Variants in KDM6B observed in about 807,000 individuals in gnomAD.
KDM6B encodes the protein lysine demethylase 6B.
Under a neutral mutation model 150.4 loss-of-function variants are expected in KDM6B, and 22 were observed. The observed-to-expected ratio is 0.15, with a 90% CI of 0.10 to 0.21. The LOEUF (loss-of-function observed/expected upper bound fraction) is 0.21. Among genes scored for constraint, KDM6B ranks in the 10% least tolerant of loss-of-function variants. The pLI is 1.00. For synonymous variants in KDM6B, 1,148 were observed against 921.1 expected, an observed-to-expected ratio of 1.25 and a Z score of -4.46; for missense variants, 1,984 against 2,234.3, an observed-to-expected ratio of 0.89 and a Z score of 2.26.
intron 14 of KDM6B, among the ~76,000 whole-genome samples, chr17:7,850,555 T>C (rs192273038): frequency 6.6e-6 from 1 of 152,362 alleles, no homozygotes; most frequent in East Asian, 1.9e-4. Flanking sequence ...TTGTCTCCTT[T>C]ATACCTGTAT....
rs899409790 is a variant in KDM6B, at chr17:7,843,755, C to G, written c.-268-1146C>G. 3.9e-5 allele frequency among the ~76,000 whole-genome samples: 6 copies of G among 152,054 alleles called. No individual in the cohort carries two copies. Among genetic ancestry groups the G allele is most frequent in the African/African-American group, 1.4e-4 (6 of 41,410 alleles). ...TTTGTACTCTAGACTCTCAATGGAC[C>G]GATCCCGGGAGCCGAGTCGGCTCCC... On this transcript the variant is annotated intron_variant, in intron 2 of 23. Coordinates refer to ENST00000448097, the MANE Select transcript of KDM6B (RefSeq NM_001348716.2). This position sits in a 1 kb window ranked among gnomAD's most constrained non-coding sequence, Gnocchi z 4.5.
chr17:7,835,966 C>G (rs2078327915), intron 1 of KDM6B, among the ~76,000 whole-genome samples: 1 of 152,266 alleles, frequency 6.6e-6, no homozygotes, highest in South Asian at 2.1e-4. Flanking sequence ...CCCACCTCCC[C>G]CCAGCTGGCG....
At position 7,848,482 on chromosome 17, in the gene KDM6B, C is replaced by G; in HGVS notation, c.2194C>G (p.Leu732Val). 6.2e-7 allele frequency: 1 copy of G among 1,611,982 alleles called. No homozygotes were observed. Among genetic ancestry groups the G allele is most frequent in the African/African-American group, 1.3e-5 (1 of 74,914 alleles). ...QPPLKEPFAS[L>V]QSPFPTDTAP... ...CCCGCTGAAGGAGCCCTTTGCATCT[C>G]TGCAGTCTCCTTTCCCCACCGACAC... The change falls in exon 12 of 24, where the codon CTG (leucine) becomes GTG (valine). Residue 732 changes from leucine to valine, a missense_variant. Physicochemically the swap from Leu to Val is conservative, Grantham distance 32. Transcript: ENST00000448097.
Position 7,845,680 on chromosome 17 carries a change from G to T in KDM6B, c.126G>T (p.Leu42=). ...ATCCCCCTCCTCGTAGCGCATGGCTGCCTGGAGGCAGGTGAGAAGTTGGGG... is the reference window on the plus strand; with the variant it reads ...ATCCCCCTCCTCGTAGCGCATGGCTTCCTGGAGGCAGGTGAGAAGTTGGGG... ...PPHPPPRSAW[L]PGGRCSASIG... is the part of the protein sequence containing the mutation. The change falls in exon 5 of 24, where the codon CTG becomes CTT. Residue 42 remains leucine (L), a synonymous_variant. Transcript: ENST00000448097. The T allele has an allele frequency of 6.2e-7, 1 of 1,614,106 alleles. No individual in the cohort carries two copies. Among genetic ancestry groups the T allele is most frequent in the Non-Finnish European group, 8.5e-7 (1 of 1,180,020 alleles).
Position 7,846,440 on chromosome 17 carries a change from G to T in KDM6B, c.497G>T (p.Arg166Leu). 2 of 1,365,612 alleles carry T rather than the reference G, an allele frequency of 1.5e-6. No homozygotes were observed. The highest frequency in any genetic ancestry group is 1.9e-6 in the Non-Finnish European group (2 of 1,031,784). The allele number at this position is 1,365,612 out of a possible 1,614,324, so 84.6% of individuals were successfully genotyped here. Reference protein sequence around the residue: ...WNFHTGSCQHRAKVLPPLEQV... With the variant: ...WNFHTGSCQHLAKVLPPLEQV... The stretch of plus-strand genomic sequence containing the variant: ...TTTCATACTGGCTCCTGCCAGCACC[G>T]AGCCAAGGTCCTGCCCCCACTGGAG... The change falls in exon 8 of 24, where the codon CGA becomes CTA. Residue 166 changes from arginine (R) to leucine (L), a missense_variant. This residue lies in a region of KDM6B where 337 missense variants were observed against 323.9 expected (regional missense o/e 1.04). Coordinates refer to ENST00000448097, the MANE Select transcript of KDM6B (RefSeq NM_001348716.2).
intron 2 of KDM6B, among the ~76,000 whole-genome samples, chr17:7,842,773 G>T (rs1300693564): frequency 6.6e-6 from 1 of 151,988 alleles, no homozygotes; most frequent in Non-Finnish European, 1.5e-5. Context: ...GGGAGGCGGG[G>T]GCTGAGTCAG....
intron 2 of KDM6B, among the ~76,000 whole-genome samples, chr17:7,842,034 C>G (rs922902061): frequency 6.6e-6 from 1 of 152,204 alleles, no homozygotes; most frequent in Non-Finnish European, 1.5e-5. Flanking sequence ...CGCTGATTGC[C>G]GGCTAGGTAA....
intron 2 of KDM6B, among the ~76,000 whole-genome samples, chr17:7,841,033 A>C (rs1186821945): frequency 6.6e-6 from 1 of 152,202 alleles, no homozygotes; most frequent in Non-Finnish European, 1.5e-5. Flanking sequence ...AAAGAAGCCT[A>C]GCTCTTTCAT....
chr17:7,846,373 CCCTG>C, intron 7 of KDM6B, 23 bp from the exon 8 acceptor site: 1 of 520,098 alleles, frequency 1.9e-6, no homozygotes, highest in Non-Finnish European at 3.7e-6. Context: ...TGACATCTGC[CCCTG>C]CCCCGTGTCC....
At chr17:7,850,374 G>T (rs1261263287) in intron 14 of KDM6B, among the ~76,000 whole-genome samples, 197 bp downstream of exon 14, 6 of 152,100 alleles carry the variant, frequency 3.9e-5, no homozygotes, top group Non-Finnish European at 5.9e-5. Context: ...CCATAGTCAG[G>T]GCCTGATTAG....
intron 13 of KDM6B, 30 bp downstream of exon 13, chr17:7,849,977 C>T: frequency 6.2e-7 from 1 of 1,613,624 alleles, no homozygotes; most frequent in East Asian, 2.2e-5. Context: ...TCAGAACCAC[C>T]CCTGCCAGAG....
At position 7,846,397 on chromosome 17, in the gene KDM6B, C is replaced by A; in HGVS notation, c.457-3C>A. 1 of 1,590,862 alleles carries A rather than the reference C, an allele frequency of 6.3e-7. No individual in the cohort carries two copies. The highest frequency in any genetic ancestry group is 8.6e-7 in the Non-Finnish European group (1 of 1,168,804). ...CCCCTGCCCCGTGTCCCCCCACCCC[C>A]AGGCCCAGCTCTGGAACTTTCATAC... is the stretch of plus-strand genomic sequence containing the variant. On this transcript the variant is annotated splice_region_variant and splice_polypyrimidine_tract_variant and intron_variant, in intron 7 of 23. Coordinates refer to ENST00000448097, the MANE Select transcript of KDM6B (RefSeq NM_001348716.2).
At chr17:7,836,273 G>T (rs1247104038) in intron 1 of KDM6B, among the ~76,000 whole-genome samples, 1 of 152,156 alleles carries the variant, frequency 6.6e-6, no homozygotes, top group Non-Finnish European at 1.5e-5. Context: ...TTTCCTCCTC[G>T]TTCGCCCCGG....
intron 14 of KDM6B, 70 bp downstream of exon 14, chr17:7,850,247 A>C: frequency 1.6e-6 from 2 of 1,277,552 alleles, no homozygotes; most frequent in Non-Finnish European, 2.2e-6. Context: ...CCTCTGAGAA[A>C]TCCCACACTT....
intron 1 of KDM6B, among the ~76,000 whole-genome samples, chr17:7,835,955 C>T (rs1405435819): frequency 6.6e-6 from 1 of 152,250 alleles, no homozygotes; most frequent in Non-Finnish European, 1.5e-5. Flanking sequence ...ACTACCTGTT[C>T]CCCACCTCCC....
Position 7,852,003 on chromosome 17 carries a change from C to T in KDM6B, c.4218C>T (p.Gly1406=), listed in dbSNP as rs199623877. ...CCGTCAACATCAACATTGGCCCAGGCGACTGCGAGTGGTTCGCGGTGCACG... is the reference window on the plus strand; with the variant it reads ...CCGTCAACATCAACATTGGCCCAGGTGACTGCGAGTGGTTCGCGGTGCACG... The part of the protein sequence containing the change: ...FCSVNINIGP[G]DCEWFAVHEH... Residue 1406 remains glycine, a synonymous_variant, in exon 19 of 24, where the codon GGC becomes GGT. Coordinates refer to ENST00000448097, the MANE Select transcript of KDM6B (RefSeq NM_001348716.2). 1.1e-5 allele frequency: 17 copies of T among 1,614,106 alleles called. No individual in the cohort carries two copies. Among genetic ancestry groups the T allele is most frequent in the South Asian group, 4.4e-5 (4 of 91,090 alleles).
intron 1 of KDM6B, among the ~76,000 whole-genome samples, chr17:7,835,697 AGGCAGCAGCTGCCT>A (rs920693887): frequency 6.6e-6 from 1 of 151,894 alleles, no homozygotes; most frequent in African/African-American, 2.4e-5. Context: ...GGAGGCTGGG[AGGCAGCAGCTGCCT>A]GGGACCCGCA....
rs1289099286 is a variant in KDM6B, at chr17:7,843,237, G to T, written c.-268-1664G>T. On this transcript the variant is annotated intron_variant, in intron 2 of 23. Transcript: ENST00000448097. This position sits in a 1 kb window ranked among gnomAD's most constrained non-coding sequence, Gnocchi z 4.5. The stretch of plus-strand genomic sequence containing the variant: ...TCTGGTTCCCCGGCTCCCCCTCCAC[G>T]TCTGGTTCTTGGGTCTCCTCCCCGC... 6.6e-6 allele frequency among the ~76,000 whole-genome samples: 1 copy of T among 152,154 alleles called. No homozygotes were observed. Among genetic ancestry groups the T allele is most frequent in the Non-Finnish European group, 1.5e-5 (1 of 68,020 alleles).
At position 7,845,530 on chromosome 17, in the gene KDM6B, A is replaced by C. The variant is rs761317141; in HGVS notation, c.-5-20A>C. The stretch of plus-strand genomic sequence containing the variant: ...TGGTTTTGCCTCCAGTAAGAGCATA[A>C]TTTCTTATCCCCAACTCAGGCTGGA... On this transcript the variant is annotated intron_variant, in intron 4 of 23. Transcript: ENST00000448097. 1 of 1,614,002 alleles carries C rather than the reference A, an allele frequency of 6.2e-7. No homozygotes were observed. The highest frequency in any genetic ancestry group is 1.1e-5 in the South Asian group (1 of 91,090).
Sources: gnomAD v4.1 joint callset for allele counts (sites outside exome capture counted in the v4.1 genomes callset) on GRCh38, gnomAD v4.1.1 for gene constraint, gnomAD v4.1.1 regional missense constraint, Gnocchi (gnomAD v3.1) non-coding constraint, MANE v1.5 for transcripts, NCBI Gene and HGNC (gene_info 2026-07-23, HGNC 2026-07-21) for gene names.